Variants in BET1 observed in about 807,000 individuals in gnomAD.
The protein encoded by BET1 is Bet1 golgi vesicular membrane trafficking protein, also known as BET1 homolog.
A neutral mutation model predicts 13.9 loss-of-function variants in BET1; 9 were observed. The observed-to-expected ratio is 0.65, with a 90% confidence interval of 0.39 to 1.13. The LOEUF is 1.13. Ranked by LOEUF, BET1 falls within the 50% of genes most tolerant of loss-of-function variation. The pLI is 0.01. For missense variants in BET1, 127 were observed against 133.6 expected (o/e 0.95, Z 0.24); for synonymous variants, 39 against 47.3 (o/e 0.82, Z 0.72).
intron 1 of BET1, among the ~76,000 whole-genome samples, chr7:94,001,574 A>G (rs1227526058): frequency 1.3e-5 from 2 of 152,220 alleles, no homozygotes; most frequent in Non-Finnish European, 2.9e-5. Flanking sequence ...CACACTATCC[A>G]TGAAGCTCTC....
At chr7:93,997,685 A>G (rs934115564) in intron 2 of BET1, among the ~76,000 whole-genome samples, 4 of 152,242 alleles carry the variant, frequency 2.6e-5, no homozygotes, top group African/African-American at 9.6e-5. Flanking sequence ...TGAATGCTTT[A>G]TAAGTGAACG....
chr7:94,004,158 T>C (rs1795975463), intron 1 of BET1, 40 bp downstream of exon 1: 5 of 1,613,786 alleles, frequency 3.1e-6, no homozygotes, highest in Non-Finnish European at 4.2e-6. Flanking sequence ...GCGCTCCCGG[T>C]TCTAGGGCCC....
At chr7:93,962,762 T>G (rs1245470289) in exon 7 of BET1, 1 of 152,020 alleles carries the variant, frequency 6.6e-6, no homozygotes, top group Non-Finnish European at 1.5e-5. Context: ...GGTTCAAAGC[T>G]TTTGTAATTT....
At chr7:93,991,175 T>C (rs549507864), downstream of BET1, among the ~76,000 whole-genome samples, 22 of 152,306 alleles carry the variant, frequency 1.4e-4, no homozygotes, top group African/African-American at 5.3e-4. Context: ...GCACAGGATT[T>C]CAAATACCAG....
At chr7:93,967,644 G>A (rs1452898015) in intron 6 of BET1, among the ~76,000 whole-genome samples, 1 of 151,792 alleles carries the variant, frequency 6.6e-6, no homozygotes, top group Non-Finnish European at 1.5e-5. Flanking sequence ...AATTCAAAGT[G>A]TCTATTTTAA....
intron 1 of BET1, among the ~76,000 whole-genome samples, chr7:94,000,608 T>C (rs920658378): frequency 1.3e-5 from 2 of 152,146 alleles, no homozygotes; most frequent in Admixed American, 6.5e-5. Flanking sequence ...GTGGTTTTTT[T>C]CTGCAGAAGA....
At chr7:93,990,763 A>G (rs1795617563), downstream of BET1, among the ~76,000 whole-genome samples, 1 of 152,152 alleles carries the variant, frequency 6.6e-6, no homozygotes. Context: ...ATTTTGCATT[A>G]CACTTCAGCT....
downstream of BET1, chr7:93,992,468 T>C (rs76122618): frequency 8.6e-4 from 849 of 985,362 alleles, 9 homozygotes; most frequent in African/African-American, 0.013. Context: ...GGCCTTCTGC[T>C]CTTCCCGTTT....
At chr7:93,999,955 A>AT (rs1451837219) in intron 1 of BET1, among the ~76,000 whole-genome samples, 1 of 152,178 alleles carries the variant, frequency 6.6e-6, no homozygotes, top group Admixed American at 6.5e-5. Context: ...TGGAACTCTA[A>AT]GGGATAAGAA....
chr7:93,979,236 G>C (rs1795388051), intron 4 of BET1, among the ~76,000 whole-genome samples: 1 of 152,072 alleles, frequency 6.6e-6, no homozygotes, highest in Non-Finnish European at 1.5e-5. Flanking sequence ...CTCATAATAG[G>C]AAGGATTGTC....
At chr7:93,989,121 C>A (rs1795581286), downstream of BET1, among the ~76,000 whole-genome samples, 1 of 151,538 alleles carries the variant, frequency 6.6e-6, no homozygotes, top group South Asian at 2.1e-4. Flanking sequence ...TCAAGCAGTT[C>A]TCCTGTCTCA....
intron 6 of BET1, among the ~76,000 whole-genome samples, chr7:93,972,162 C>T (rs924880159): frequency 2.0e-5 from 3 of 151,794 alleles, no homozygotes; most frequent in Non-Finnish European, 4.4e-5. Context: ...AGTGTTAGCT[C>T]TAGAGTGTGA....
chr7:93,981,809 C>T (rs1345074784), intron 4 of BET1, among the ~76,000 whole-genome samples: 1 of 152,194 alleles, frequency 6.6e-6, no homozygotes, highest in Non-Finnish European at 1.5e-5. Flanking sequence ...ATGGAGCAGA[C>T]ATTGCAGTCA....
chr7:93,965,112 T>A (rs1382018952), exon 7 of BET1: 1 of 152,112 alleles, frequency 6.6e-6, no homozygotes, highest in Non-Finnish European at 1.5e-5. Context: ...ACATGTTGGC[T>A]GGTTGACTGT....
intron 4 of BET1, among the ~76,000 whole-genome samples, chr7:93,979,651 C>T (rs1795394521): frequency 7.7e-6 from 1 of 129,260 alleles, no homozygotes; most frequent in Non-Finnish European, 1.9e-5. Context: ...GAAAATTCGA[C>T]TCTCTTTCTC....
chr7:93,974,842 T>G (rs1242799252), intron 5 of BET1, among the ~76,000 whole-genome samples: 1 of 151,978 alleles, frequency 6.6e-6, no homozygotes, highest in Non-Finnish European at 1.5e-5. Flanking sequence ...AGAAATATAG[T>G]AACTTTAGAG....
chr7:93,975,971 C>G, exon 5 of BET1: 1 of 1,270,878 alleles, frequency 7.9e-7, no homozygotes, highest in Non-Finnish European at 1.0e-6. Context: ...AATTCTGCAG[C>G]TGTGATAGAT....
chr7:93,993,107 G>C (rs963404309), downstream of BET1: 3 of 980,038 alleles, frequency 3.1e-6, no homozygotes, highest in East Asian at 2.3e-4. Context: ...TTTTGAAATA[G>C]AGTCAAGATT....
chr7:93,999,242 C>T lies in BET1; in HGVS notation c.72G>A (p.Gly24=). The change falls in exon 2 of 4, where the codon GGG becomes GGA. Residue 24 remains glycine, a synonymous_variant. Coordinates refer to ENST00000222547, the MANE Select transcript of BET1 (RefSeq NM_005868.6). ...CATTTTCTTCTTCACAGGCACTATA[C>T]CCACTATTAGCATAGCCATAGTTCC... is the stretch of plus-strand genomic sequence containing the variant. ...NYGNYGYANS[G]YSACEEENER... is the part of the protein sequence containing the mutation. 4 of 1,613,328 alleles carry T rather than the reference C, an allele frequency of 2.5e-6. No homozygotes were observed. Among genetic ancestry groups the T allele is most frequent in the Non-Finnish European group, 3.4e-6 (4 of 1,179,516 alleles).
Sources: allele counts gnomAD v4.1 joint callset (sites outside exome capture counted in the v4.1 genomes callset), GRCh38; gene constraint gnomAD v4.1.1; transcripts MANE v1.5; gene names NCBI Gene and HGNC (gene_info 2026-07-23, HGNC 2026-07-21).